OPCML: variants seen among roughly 807,000 people sequenced by gnomAD.
The protein encoded by OPCML is opioid-binding protein/cell adhesion molecule.
OPCML carries 13 observed loss-of-function variants against 37.8 expected under a neutral mutation model. The observed-to-expected ratio is 0.34, with a 90% CI of 0.22 to 0.55. The LOEUF is 0.55. OPCML is among the 20% of genes least tolerant of loss of function. OPCML has a pLI of 0.91. For synonymous variants in OPCML, 176 were observed against 168.8 expected (o/e 1.04, Z -0.33); for missense variants, 341 against 435.6 (o/e 0.78, Z 1.93).
chr11:132,650,988 G>A (rs1218795752), intron 3 of OPCML, among the ~76,000 whole-genome samples: 1 of 151,664 alleles, frequency 6.6e-6, no homozygotes, highest in Non-Finnish European at 1.5e-5. Context: ...CTTACAAAGA[G>A]TTGAAAATAG....
At chr11:133,439,482 T>C in intron 1 of OPCML, 2 of 978,420 alleles carry the variant, frequency 2.0e-6, no homozygotes, top group Non-Finnish European at 2.4e-6. Context: ...TTTTTTTCTT[T>C]TTTGAGATGG....
intron 1 of OPCML, among the ~76,000 whole-genome samples, chr11:133,491,248 C>A (rs1457768112): frequency 3.3e-5 from 5 of 152,090 alleles, no homozygotes; most frequent in African/African-American, 1.2e-4. Flanking sequence ...GCTGGGCTTG[C>A]CAGGGCTCAC....
intron 2 of OPCML, among the ~76,000 whole-genome samples, chr11:132,764,615 C>A (rs1946375332): frequency 6.6e-6 from 1 of 152,118 alleles, no homozygotes; most frequent in Non-Finnish European, 1.5e-5. Flanking sequence ...TCATAAAACC[C>A]AGCACATAGT....
In OPCML at chr11:132,544,157, T is replaced by C. The variant is rs181395399; in HGVS notation, c.380-14971A>G. Among the ~76,000 whole-genome samples the C allele has an allele frequency of 2.3e-3, 351 of 152,132 alleles. 3 individuals carry two copies. The highest frequency in any genetic ancestry group is 8.0e-3 in the African/African-American group (331 of 41,488). On this transcript the variant is annotated intron_variant, in intron 3 of 7. Transcript: ENST00000524381. ...ATCCCTAGATACTCCATCTAATAAA[T>C]AACTTGGCAATCTCCTTACCCATAA... is the stretch of plus-strand genomic sequence containing the variant.
intron 7 of OPCML, among the ~76,000 whole-genome samples, chr11:132,424,882 A>G (rs1051360073): frequency 6.6e-6 from 1 of 152,170 alleles, no homozygotes; most frequent in Non-Finnish European, 1.5e-5. Context: ...TAGTTCCAAA[A>G]TATGTTGAAC....
chr11:132,901,981 C>A (rs970082391), intron 2 of OPCML, among the ~76,000 whole-genome samples: 1 of 152,184 alleles, frequency 6.6e-6, no homozygotes, highest in Admixed American at 6.5e-5. Context: ...CCCCCACCAC[C>A]GGTGTTTGCG....
intron 2 of OPCML, among the ~76,000 whole-genome samples, chr11:132,664,555 C>A (rs1028309151): frequency 6.6e-6 from 1 of 152,074 alleles, no homozygotes; most frequent in African/African-American, 2.4e-5. Flanking sequence ...TAATGCCAGT[C>A]CAAAAACTGG....
chr11:133,138,670 C>T (rs1395313545), intron 1 of OPCML, among the ~76,000 whole-genome samples: 1 of 152,142 alleles, frequency 6.6e-6, no homozygotes, highest in Non-Finnish European at 1.5e-5. Flanking sequence ...GGAAGGCCCT[C>T]CTCCCACAGA....
intron 1 of OPCML, among the ~76,000 whole-genome samples, chr11:133,441,771 G>A (rs952264849): frequency 6.6e-5 from 10 of 152,006 alleles, no homozygotes; most frequent in Admixed American, 3.9e-4. Flanking sequence ...TAAAAAACAC[G>A]CAAGTATCTT....
chr11:132,557,628 T>C (rs2096398809), intron 3 of OPCML, among the ~76,000 whole-genome samples: 1 of 152,224 alleles, frequency 6.6e-6, no homozygotes, highest in Non-Finnish European at 1.5e-5. Flanking sequence ...TAACATTGCC[T>C]GATTCATGAC....
intron 1 of OPCML, among the ~76,000 whole-genome samples, chr11:133,446,773 C>T (rs1034505047): frequency 2.9e-4 from 44 of 152,296 alleles, no homozygotes; most frequent in Non-Finnish European, 4.7e-4. Flanking sequence ...CTGGACATTT[C>T]ATAAAAATAG....
chr11:133,318,131 C>T (rs1943247699), intron 1 of OPCML, among the ~76,000 whole-genome samples: 1 of 152,214 alleles, frequency 6.6e-6, no homozygotes, highest in Non-Finnish European at 1.5e-5. Flanking sequence ...CTTCTGCACT[C>T]TCCATCACAC....
chr11:133,521,111 A>G (rs1284596586), intron 1 of OPCML, among the ~76,000 whole-genome samples: 5 of 152,240 alleles, frequency 3.3e-5, no homozygotes, highest in Non-Finnish European at 7.3e-5. Flanking sequence ...AAGCAAGGCA[A>G]GGAGACCTGG....
chr11:132,466,928 AAG>A (rs2096121845), intron 4 of OPCML, among the ~76,000 whole-genome samples: 1 of 152,230 alleles, frequency 6.6e-6, no homozygotes, highest in African/African-American at 2.4e-5. Context: ...AATTTGAAAA[AAG>A]AAGGAAAGAA....
At position 133,480,755 on chromosome 11, in the gene OPCML, C is replaced by T. The variant is rs557182604; in HGVS notation, c.61+51509G>A. On this transcript the variant is annotated intron_variant, in intron 1 of 7. Transcript: ENST00000524381. ...CTATTCCAGTGCCATCCATATCTGACTTTCCTAAGTTGGAGATAAACTGCT... is the reference window on the plus strand; with the variant it reads ...CTATTCCAGTGCCATCCATATCTGATTTTCCTAAGTTGGAGATAAACTGCT... Among the ~76,000 whole-genome samples, 303 of 152,346 alleles carry T rather than the reference C, an allele frequency of 2.0e-3. 1 individual carries two copies. The highest frequency in any genetic ancestry group is 7.1e-3 in the African/African-American group (296 of 41,578).
At chr11:133,507,827 A>C (rs1948067747) in intron 1 of OPCML, among the ~76,000 whole-genome samples, 1 of 151,962 alleles carries the variant, frequency 6.6e-6, no homozygotes, top group South Asian at 2.1e-4. Context: ...GGCCCCTGTA[A>C]TCCCAGCTAC....
At chr11:132,821,467 G>T (rs1591654857) in intron 2 of OPCML, among the ~76,000 whole-genome samples, 1 of 152,180 alleles carries the variant, frequency 6.6e-6, no homozygotes, top group African/African-American at 2.4e-5. Context: ...AGAACTCTGG[G>T]CAGCTACAGG....
At chr11:132,487,462 C>A (rs758262681) in intron 4 of OPCML, among the ~76,000 whole-genome samples, 2 of 152,194 alleles carry the variant, frequency 1.3e-5, no homozygotes, top group Non-Finnish European at 2.9e-5. Flanking sequence ...TTATTGGGAG[C>A]AAATTGCTGA....
chr11:132,991,196 A>C (rs982264259), intron 1 of OPCML, among the ~76,000 whole-genome samples: 12 of 152,198 alleles, frequency 7.9e-5, no homozygotes, highest in African/African-American at 2.9e-4. Flanking sequence ...TTAGAACCAC[A>C]AACTAGAAAA....
Sources: allele counts gnomAD v4.1 joint callset (sites outside exome capture counted in the v4.1 genomes callset), GRCh38; gene constraint gnomAD v4.1.1; transcripts MANE v1.5; gene names NCBI Gene and HGNC (gene_info 2026-07-23, HGNC 2026-07-21).